DCC: variants seen among roughly 807,000 people sequenced by gnomAD.
The protein encoded by DCC is netrin receptor DCC.
Under a neutral mutation model 172.5 loss-of-function variants are expected in DCC, and 58 were observed. That is an observed-to-expected ratio of 0.34 (90% CI 0.27 to 0.42). The LOEUF (loss-of-function observed/expected upper bound fraction) is 0.42, where lower values mean the gene tolerates loss of function less well. Among genes scored for constraint, DCC ranks in the 10% least tolerant of loss-of-function variants. The pLI is 1.00. For missense variants in DCC, 1,740 were observed against 1,791.0 expected, an observed-to-expected ratio of 0.97 and a Z score of 0.51; for synonymous variants, 709 against 644.5, an observed-to-expected ratio of 1.10 and a Z score of -1.52.
At chr18:53,460,570 T>C (rs1198706378) in intron 24 of DCC, among the ~76,000 whole-genome samples, 2 of 151,946 alleles carry the variant, frequency 1.3e-5, no homozygotes, top group African/African-American at 4.8e-5. Context: ...CTGAGAATGA[T>C]GATTTCCAGT....
At chr18:53,295,540 T>C (rs1374176179) in intron 12 of DCC, among the ~76,000 whole-genome samples, 1 of 135,790 alleles carries the variant, frequency 7.4e-6, no homozygotes, top group African/African-American at 2.4e-5. Flanking sequence ...ACCAAGTATT[T>C]AGATAGATAC....
At chr18:53,357,740 C>T (rs1022693026) in intron 15 of DCC, among the ~76,000 whole-genome samples, 2 of 152,106 alleles carry the variant, frequency 1.3e-5, no homozygotes, top group African/African-American at 4.8e-5. Flanking sequence ...TAGATTTATT[C>T]CCTGCTTTTT....
intron 12 of DCC, among the ~76,000 whole-genome samples, chr18:53,219,982 C>G (rs975674266): frequency 3.1e-5 from 4 of 129,286 alleles, no homozygotes; most frequent in Non-Finnish European, 7.3e-5. Context: ...TGTGGTGCAA[C>G]TTGTTGGATT....
chr18:53,184,961 A>C (rs1359955838), intron 9 of DCC, among the ~76,000 whole-genome samples: 1 of 152,210 alleles, frequency 6.6e-6, no homozygotes. Flanking sequence ...ATTTGAATAA[A>C]TATTTGGGGT....
rs554776181 is a variant in DCC, at chr18:52,442,151, C to G, written c.91+101273C>G. 3.3e-5 allele frequency among the ~76,000 whole-genome samples: 5 copies of G among 152,246 alleles called. No homozygotes were observed. In the East Asian group the frequency reaches 9.7e-4, roughly 29 times the overall value. Reference sequence around the variant, plus strand: ...TCTGTCCCTTTTGGAAGACTAAACTCTATTCTAACATGAACATCTCAGAGT... The same window carrying G: ...TCTGTCCCTTTTGGAAGACTAAACTGTATTCTAACATGAACATCTCAGAGT... On this transcript the variant is annotated intron_variant, in intron 1 of 28. Coordinates refer to ENST00000442544, the MANE Select transcript of DCC (RefSeq NM_005215.4).
chr18:52,743,710 G>A (rs2145118473), intron 1 of DCC, among the ~76,000 whole-genome samples: 2 of 152,302 alleles, frequency 1.3e-5, no homozygotes, highest in South Asian at 4.1e-4. Context: ...GATGCCATGT[G>A]CTCGGAATGT....
At position 52,671,514 on chromosome 18, in the gene DCC, T is replaced by G. The variant is rs577712971; in HGVS notation, c.92-80540T>G. Among the ~76,000 whole-genome samples the G allele has an allele frequency of 9.3e-5, 14 of 150,404 alleles. No individual in the cohort carries two copies. The South Asian group carries it at 1.7e-3, about 18-fold the overall frequency. On this transcript the variant is annotated intron_variant, in intron 1 of 28. Transcript: ENST00000442544. ...TTTTTCCCCGTCACAATAGCATTGC[T>G]CAGTATCATATGCCAACCTTTTTTT...
chr18:53,206,110 T>C (rs1468751653), intron 10 of DCC, among the ~76,000 whole-genome samples: 1 of 252 alleles, frequency 4.0e-3, no homozygotes, highest in African/African-American at 0.015. Flanking sequence ...ACATGTATAA[T>C]ACATATATAA....
chr18:52,498,670 AT>A (rs1162669470), intron 1 of DCC, among the ~76,000 whole-genome samples: 1 of 151,950 alleles, frequency 6.6e-6, no homozygotes, highest in Non-Finnish European at 1.5e-5. Flanking sequence ...ATGAATATAT[AT>A]TTTTTCTCAG....
chr18:53,386,245 T>C (rs1306208506), intron 16 of DCC, 107 bp downstream of exon 16: 3 of 749,900 alleles, frequency 4.0e-6, no homozygotes, highest in Admixed American at 2.0e-5. Flanking sequence ...TATCCTATCA[T>C]TATCCTCTGA....
At chr18:53,156,494 A>G (rs978049737) in intron 7 of DCC, among the ~76,000 whole-genome samples, 1 of 152,136 alleles carries the variant, frequency 6.6e-6, no homozygotes, top group African/African-American at 2.4e-5. Context: ...ACCAAAAAAA[A>G]AAAAAAAAGA....
chr18:52,512,944 AG>A (rs1030443625), intron 1 of DCC, among the ~76,000 whole-genome samples: 1 of 152,180 alleles, frequency 6.6e-6, no homozygotes, highest in African/African-American at 2.4e-5. Flanking sequence ...GTGTGGCCTC[AG>A]GGTGGAGAGA....
At chr18:53,068,652 AC>A in intron 7 of DCC, among the ~76,000 whole-genome samples, 1 of 151,880 alleles carries the variant, frequency 6.6e-6, no homozygotes, top group Non-Finnish European at 1.5e-5. Flanking sequence ...GCATCCCTGT[AC>A]CTGCTCACAG....
At chr18:52,770,243 G>C (rs993610972) in intron 2 of DCC, among the ~76,000 whole-genome samples, 4 of 151,318 alleles carry the variant, frequency 2.6e-5, no homozygotes, top group African/African-American at 9.7e-5. Flanking sequence ...TCACTTCCTT[G>C]AGCATGTCTC....
rs1555707993 is a variant in DCC at position 52,642,085 on chromosome 18, C to CACAT, written c.92-109966_92-109965insTACA. ...GTGTATATATATATATATATACACA[C>CACAT]ACACACACACACTCACACACACATA... On this transcript the variant is annotated intron_variant, in intron 1 of 28. Transcript: ENST00000442544. Among the ~76,000 whole-genome samples the CACAT allele has an allele frequency of 9.4e-3, 1,175 of 124,602 alleles. 56 individuals are homozygous for CACAT. Among genetic ancestry groups the CACAT allele is most frequent in the East Asian group, 0.024 (92 of 3,828 alleles). The allele number at this position is 124,602 out of a possible 152,430, so 81.7% of individuals were successfully genotyped here. A position where few individuals can be genotyped will look rare whatever the true frequency, so the allele number is the denominator to read the frequency against.
At chr18:53,527,765 G>A (rs1455398029) in intron 28 of DCC, among the ~76,000 whole-genome samples, 1 of 151,710 alleles carries the variant, frequency 6.6e-6, no homozygotes, top group Non-Finnish European at 1.5e-5. Flanking sequence ...CCTAAAGGCA[G>A]CTATTTATAG....
chr18:52,766,365 A>C (rs1469403156), intron 2 of DCC, among the ~76,000 whole-genome samples: 3 of 152,212 alleles, frequency 2.0e-5, no homozygotes, highest in African/African-American at 7.2e-5. Context: ...CAGTGGGCCC[A>C]TAGCTACCCT....
At chr18:53,141,922 CCATATGCT>C (rs1476714148) in intron 7 of DCC, among the ~76,000 whole-genome samples, 2 of 152,120 alleles carry the variant, frequency 1.3e-5, no homozygotes, top group East Asian at 3.9e-4. Context: ...TGTGGTATGT[CCATATGCT>C]CATATGCTCT....
chr18:52,563,265 A>C (rs1598915693), intron 1 of DCC, among the ~76,000 whole-genome samples: 1 of 152,308 alleles, frequency 6.6e-6, no homozygotes, highest in East Asian at 1.9e-4. Context: ...ATAAAATTAC[A>C]GCCATCACTA....
Sources: allele counts gnomAD v4.1 joint callset (sites outside exome capture counted in the v4.1 genomes callset), GRCh38; gene constraint gnomAD v4.1.1; transcripts MANE v1.5; gene names NCBI Gene and HGNC (gene_info 2026-07-23, HGNC 2026-07-21).